TGFBR1: variants seen among roughly 807,000 people sequenced by gnomAD.
The protein encoded by TGFBR1 is transforming growth factor beta receptor 1, also known as TGF-beta receptor type-1.
In TGFBR1, 20 loss-of-function variants were observed where a neutral mutation model predicts 55.1. The observed-to-expected ratio is 0.36, with a 90% CI of 0.26 to 0.53. TGFBR1 has a LOEUF of 0.53. TGFBR1 is among the 20% of genes least tolerant of loss of function. TGFBR1 has a pLI of 0.91. For missense variants in TGFBR1, 385 were observed against 617.6 expected (o/e 0.62, Z 3.99); for synonymous variants, 220 against 214.8 (o/e 1.02, Z -0.21).
intron 6 of TGFBR1, among the ~76,000 whole-genome samples, chr9:99,145,552 A>G (rs915059622): frequency 6.6e-6 from 1 of 152,218 alleles, no homozygotes; most frequent in Non-Finnish European, 1.5e-5. Flanking sequence ...AGTGCCTAAT[A>G]CATGGTAGAT....
chr9:99,139,732 A>T (rs1341421669), intron 4 of TGFBR1, among the ~76,000 whole-genome samples: 2 of 152,188 alleles, frequency 1.3e-5, no homozygotes, highest in African/African-American at 2.4e-5. Flanking sequence ...GTCTCCTATT[A>T]AAAAAATTAT....
At position 99,128,955 on chromosome 9, in the gene TGFBR1, A is replaced by G. The variant is rs2118566386; in HGVS notation, c.198A>G (p.Ile66Met). ...TCACAGAGACCACAGACAAAGTTAT[A>G]CACAACAGCATGTGTATAGCTGAAA... ...VSVTETTDKV[I>M]HNSMCIAEID... is the part of the protein sequence containing the mutation. Residue 66 changes from isoleucine to methionine, a missense_variant, in exon 2 of 9, where the codon ATA becomes ATG. By Grantham distance (10) the Ile-to-Met change is conservative. Around this residue, in one of 5 missense-constraint regions of TGFBR1, gnomAD observed 146 missense variants for 167.7 expected, o/e 0.87. Transcript: ENST00000374994. 6.2e-7 allele frequency: 1 copy of G among 1,614,026 alleles called. No individual in the cohort carries two copies. The highest frequency in any genetic ancestry group is 8.5e-7 in the Non-Finnish European group (1 of 1,179,960).
chr9:99,136,748 A>T (rs1428044963), intron 3 of TGFBR1, among the ~76,000 whole-genome samples: 1 of 152,150 alleles, frequency 6.6e-6, no homozygotes, highest in Non-Finnish European at 1.5e-5. Context: ...GTTTGGATTT[A>T]TAAGCATTTC....
intron 3 of TGFBR1, among the ~76,000 whole-genome samples, chr9:99,137,341 T>G (rs1321418527): frequency 6.6e-6 from 1 of 152,216 alleles, no homozygotes; most frequent in Non-Finnish European, 1.5e-5. Context: ...GATTTTAAAA[T>G]TATCTTGCTT....
Position 99,105,151 on chromosome 9 carries a change from G to T in TGFBR1, c.-55G>T. 1 of 1,081,680 alleles carries T rather than the reference G, an allele frequency of 9.2e-7. No individual in the cohort carries two copies. The highest frequency in any genetic ancestry group is 4.4e-5 in the South Asian group (1 of 22,960). The allele number at this position is 1,081,680 out of a possible 1,614,324, so 67.0% of individuals were successfully genotyped here. ...GTGGGGCGAGGCGAGGTTTGCTGGGGTGAGGCAGCGGCGCGGCCGGGCCGG... is the reference window on the plus strand; with the variant it reads ...GTGGGGCGAGGCGAGGTTTGCTGGGTTGAGGCAGCGGCGCGGCCGGGCCGG... On this transcript the variant is annotated 5_prime_UTR_variant, in exon 1 of 9. Transcript: ENST00000374994.
intron 1 of TGFBR1, among the ~76,000 whole-genome samples, chr9:99,115,115 G>A (rs1196944082): frequency 1.3e-5 from 2 of 152,128 alleles, no homozygotes; most frequent in Non-Finnish European, 2.9e-5. Flanking sequence ...TTTTATAGAA[G>A]TCTTTGTACA....
intron 1 of TGFBR1, among the ~76,000 whole-genome samples, chr9:99,109,941 T>G (rs946723166): frequency 1.3e-5 from 2 of 152,230 alleles, no homozygotes; most frequent in African/African-American, 2.4e-5. Flanking sequence ...TTTAATGCCA[T>G]TCTTAGCTGA....
intron 1 of TGFBR1, among the ~76,000 whole-genome samples, chr9:99,120,742 A>C (rs527632266): frequency 5.9e-5 from 9 of 152,302 alleles, no homozygotes; most frequent in African/African-American, 2.2e-4. Context: ...TTCCTCAGAC[A>C]ACTGTAAGTA....
At chr9:99,134,023 A>T (rs1212698131) in intron 3 of TGFBR1, among the ~76,000 whole-genome samples, 1 of 151,434 alleles carries the variant, frequency 6.6e-6, no homozygotes, top group Admixed American at 6.6e-5. Flanking sequence ...AAAAATTTTC[A>T]CTAATTTTAT....
At chr9:99,120,704 A>G (rs1328498809) in intron 1 of TGFBR1, among the ~76,000 whole-genome samples, 1 of 152,204 alleles carries the variant, frequency 6.6e-6, no homozygotes, top group Non-Finnish European at 1.5e-5. Flanking sequence ...AACATCTGCA[A>G]GTTTAGATTT....
chr9:99,118,995 A>G (rs1826827199), intron 1 of TGFBR1, among the ~76,000 whole-genome samples: 1 of 151,498 alleles, frequency 6.6e-6, no homozygotes, highest in Admixed American at 6.6e-5. Context: ...TGTTCTCTGC[A>G]TTGTGAATCT....
chr9:99,117,296 AC>A (rs1366849729), intron 1 of TGFBR1, among the ~76,000 whole-genome samples: 1 of 143,284 alleles, frequency 7.0e-6, no homozygotes, highest in African/African-American at 2.6e-5. Context: ...ATGGGGTTTC[AC>A]CGTGTTGGCC....
chr9:99,131,350 A>G (rs1207794092), intron 2 of TGFBR1, among the ~76,000 whole-genome samples: 1 of 152,180 alleles, frequency 6.6e-6, no homozygotes, highest in African/African-American at 2.4e-5. Context: ...AACTAAGTTC[A>G]GTGTACAAGG....
At chr9:99,129,185 A>G (rs1442976089) in intron 2 of TGFBR1, 85 bp downstream of exon 2, 6 of 1,479,160 alleles carry the variant, frequency 4.1e-6, no homozygotes, top group Non-Finnish European at 5.6e-6. Context: ...GGATCATAAA[A>G]ATTGTCTAAT....
chr9:99,130,012 T>C (rs1056722198), intron 2 of TGFBR1, among the ~76,000 whole-genome samples: 1 of 152,218 alleles, frequency 6.6e-6, no homozygotes, highest in Non-Finnish European at 1.5e-5. Context: ...TCTGAGCACA[T>C]GTATTTAACT....
chr9:99,141,583 T>C (rs1346475520), intron 4 of TGFBR1, among the ~76,000 whole-genome samples: 1 of 152,194 alleles, frequency 6.6e-6, no homozygotes, highest in Non-Finnish European at 1.5e-5. Flanking sequence ...AGAAACAGGC[T>C]CCTTGTCAGT....
Position 99,137,860 on chromosome 9 carries a change from T to C in TGFBR1, c.576T>C (p.Gly192=), listed in dbSNP as rs2118707151. Residue 192 remains glycine (G), a splice_region_variant and synonymous_variant, in exon 4 of 9, where the codon GGT becomes GGC. Transcript: ENST00000374994. ...AGTACTATTTATTTTTACCTTTAGG[T>C]TTACCATTGCTTGTTCAGAGAACAA... ...YDMTTSGSGS[G]LPLLVQRTIA... is the part of the protein sequence containing the mutation. 6.2e-7 allele frequency: 1 copy of C among 1,613,206 alleles called. No homozygotes were observed.
chr9:99,150,673 C>G lies in TGFBR1; in HGVS notation c.*1368C>G, dbSNP rs886063231. Reference sequence around the variant, plus strand: ...TTCAGTGTTTCCTTATGTGTGCGTACATTGCAACTGCTTACATGTAATTTA... The same window carrying G: ...TTCAGTGTTTCCTTATGTGTGCGTAGATTGCAACTGCTTACATGTAATTTA... On this transcript the variant is annotated 3_prime_UTR_variant, in exon 9 of 9. Coordinates refer to ENST00000374994, the MANE Select transcript of TGFBR1 (RefSeq NM_004612.4). 1 of 211,066 alleles carries G rather than the reference C, an allele frequency of 4.7e-6. No homozygotes were observed. The highest frequency in any genetic ancestry group is 2.3e-5 in the African/African-American group (1 of 44,150). The allele number at this position is 211,066 out of a possible 1,614,324, so 13.1% of individuals were successfully genotyped here.
chr9:99,146,625 C>T lies in TGFBR1; in HGVS notation c.1255+16C>T, dbSNP rs781694911. Reference sequence around the variant, plus strand: ...TCCATTGGTGGTAAATTGCTCTCCTCTCCCCCAGTAGTTTGTCATGAGCAG... The same window carrying T: ...TCCATTGGTGGTAAATTGCTCTCCTTTCCCCCAGTAGTTTGTCATGAGCAG... On this transcript the variant is annotated intron_variant, in intron 7 of 8. Transcript: ENST00000374994. 6 of 1,613,860 alleles carry T rather than the reference C, an allele frequency of 3.7e-6. No individual in the cohort carries two copies. The South Asian group carries it at 4.4e-5, about 12-fold the overall frequency.
Sources: gnomAD v4.1 joint callset for allele counts (sites outside exome capture counted in the v4.1 genomes callset) on GRCh38, gnomAD v4.1.1 for gene constraint, gnomAD v4.1.1 regional missense constraint, MANE v1.5 for transcripts, NCBI Gene and HGNC (gene_info 2026-07-23, HGNC 2026-07-21) for gene names.